GPHN: variants seen among roughly 807,000 people sequenced by gnomAD.
GPHN encodes the protein gephyrin.
GPHN carries 17 observed loss-of-function variants against 95.5 expected under a neutral mutation model. That is an observed-to-expected ratio of 0.18 (90% CI 0.12 to 0.27). The LOEUF (loss-of-function observed/expected upper bound fraction) is 0.27. Among genes scored for constraint, GPHN ranks in the 10% least tolerant of loss-of-function variants. The pLI, the probability that GPHN is intolerant of heterozygous loss-of-function variation, is 1.00. For synonymous variants in GPHN, 320 were observed against 322.5 expected (o/e 0.99, Z 0.08); for missense variants, 660 against 978.1 (o/e 0.67, Z 4.34).
chr14:67,243,667 A>AT, the GPHN span, among the ~76,000 whole-genome samples: 332 of 134,524 alleles, frequency 2.5e-3, 2 homozygotes, highest in South Asian at 6.6e-3. Context: ...AATTTTTTGT[A>AT]TTTTTTTTTT....
At chr14:67,578,533 G>A in the GPHN span, 1 of 1,605,978 alleles carries the variant, frequency 6.2e-7, no homozygotes, top group Non-Finnish European at 8.5e-7. The surrounding 1 kb of genome is among the most constrained non-coding windows in gnomAD (Gnocchi z 5.0). Flanking sequence ...GTCCCTGGCA[G>A]TGCTGGCAGC....
At chr14:66,780,679 G>A (rs977598618) in intron 3 of GPHN, among the ~76,000 whole-genome samples, 4 of 151,760 alleles carry the variant, frequency 2.6e-5, no homozygotes, top group Non-Finnish European at 5.9e-5. Context: ...GAGAGTTTGA[G>A]GCCTGAGGCA....
the GPHN span, among the ~76,000 whole-genome samples, chr14:67,683,361 C>T: frequency 1.1e-4 from 16 of 152,084 alleles, no homozygotes; most frequent in East Asian, 2.9e-3. Flanking sequence ...CTATATAAAT[C>T]TATCTTCTTA....
At chr14:67,646,039 C>T in the GPHN span, among the ~76,000 whole-genome samples, 4 of 152,156 alleles carry the variant, frequency 2.6e-5, no homozygotes, top group African/African-American at 9.7e-5. Flanking sequence ...GACTGATATA[C>T]CCACAGCCTG....
the GPHN span, chr14:67,473,987 T>G: frequency 6.6e-7 from 1 of 1,509,828 alleles, no homozygotes; most frequent in Admixed American, 2.1e-5. This position sits in a 1 kb window ranked among gnomAD's most constrained non-coding sequence, Gnocchi z 6.5. Flanking sequence ...GCGCGGTGGC[T>G]CACGCCTATA....
the GPHN span, chr14:67,340,406 A>T: frequency 1.3e-6 from 2 of 1,584,430 alleles, no homozygotes. Context: ...TATGGAAAAC[A>T]AAAGATGATC....
chr14:66,751,775 T>TA (rs2058373409), intron 2 of GPHN, among the ~76,000 whole-genome samples: 1 of 152,090 alleles, frequency 6.6e-6, no homozygotes, highest in African/African-American at 2.4e-5. Flanking sequence ...GGCTTCAACT[T>TA]AAAGTCACTA....
chr14:67,443,775 A>AC, the GPHN span, among the ~76,000 whole-genome samples: 4 of 151,866 alleles, frequency 2.6e-5, no homozygotes, highest in African/African-American at 7.3e-5. Context: ...TCTCTAAAAA[A>AC]TAAAAAGAAA....
At chr14:67,460,497 G>A in the GPHN span, among the ~76,000 whole-genome samples, 4 of 152,294 alleles carry the variant, frequency 2.6e-5, no homozygotes, top group African/African-American at 9.6e-5. Flanking sequence ...GAGGTCAGGA[G>A]TTCGAGACCA....
chr14:67,651,834 A>C, the GPHN span: 2 of 190,734 alleles, frequency 1.0e-5, no homozygotes, highest in African/African-American at 4.7e-5. Context: ...CCCTAGGATA[A>C]GTAACTAGAA....
At chr14:67,071,277 T>C (rs2076295642) in intron 11 of GPHN, among the ~76,000 whole-genome samples, 1 of 152,124 alleles carries the variant, frequency 6.6e-6, no homozygotes, top group Admixed American at 6.5e-5. Context: ...ATGTGACACA[T>C]ATACACCATG....
the GPHN span, among the ~76,000 whole-genome samples, chr14:67,458,018 C>T: frequency 0.47 from 71,730 of 152,120 alleles, 19,783 homozygotes; most frequent in African/African-American, 0.78. Flanking sequence ...TGGCCTGACA[C>T]TCCCCTGCTT....
the GPHN span, among the ~76,000 whole-genome samples, chr14:67,372,523 G>A: frequency 2.0e-5 from 3 of 152,068 alleles, no homozygotes; most frequent in African/African-American, 7.2e-5. Context: ...AAAAACTCTT[G>A]AACAACCTAA....
chr14:66,929,890 T>G (rs1163788816), intron 8 of GPHN, among the ~76,000 whole-genome samples: 1 of 152,114 alleles, frequency 6.6e-6, no homozygotes, highest in African/African-American at 2.4e-5. Flanking sequence ...TTTTTGTATT[T>G]TTAGTAGAGA....
intron 8 of GPHN, among the ~76,000 whole-genome samples, chr14:66,960,522 C>G (rs2068828394): frequency 6.6e-6 from 1 of 151,906 alleles, no homozygotes; most frequent in Non-Finnish European, 1.5e-5. Flanking sequence ...TCTGATGTTT[C>G]TGTTGTTTGC....
intron 13 of GPHN, among the ~76,000 whole-genome samples, chr14:67,106,080 G>A (rs916914122): frequency 6.6e-6 from 1 of 152,086 alleles, no homozygotes; most frequent in Non-Finnish European, 1.5e-5. Flanking sequence ...TTATGGTAAG[G>A]CCAGTGTAGT....
At chr14:67,043,104 T>G (rs550327639) in intron 10 of GPHN, among the ~76,000 whole-genome samples, 1 of 152,350 alleles carries the variant, frequency 6.6e-6, no homozygotes, top group South Asian at 2.1e-4. Flanking sequence ...TTGCTGAAGT[T>G]GCTTATCAGC....
At chr14:67,692,765 A>G in the GPHN span, 1 of 870,864 alleles carries the variant, frequency 1.1e-6, no homozygotes, top group East Asian at 2.6e-5. Flanking sequence ...AATATTCATT[A>G]AGGGTCCATT....
intron 16 of GPHN, 40 bp downstream of exon 16, chr14:67,113,211 A>C (rs200208247): frequency 1.9e-6 from 3 of 1,546,272 alleles, no homozygotes. Context: ...GAGAGGGCCC[A>C]TAAGATAAAG....
Sources: gnomAD v4.1 joint callset for allele counts (sites outside exome capture counted in the v4.1 genomes callset) on GRCh38, gnomAD v4.1.1 for gene constraint, Gnocchi (gnomAD v3.1) non-coding constraint, MANE v1.5 for transcripts, NCBI Gene and HGNC (gene_info 2026-07-23, HGNC 2026-07-21) for gene names.